The following GPR137C variants were observed in gnomAD, a reference collection of about 807,000 sequenced individuals.
GPR137C encodes G protein-coupled receptor 137C.
Under a neutral mutation model 43.4 loss-of-function variants are expected in GPR137C, and 27 were observed. The ratio of observed to expected loss-of-function variants is 0.62; its 90% confidence interval spans 0.46 to 0.86. The LOEUF (loss-of-function observed/expected upper bound fraction) is 0.86, where lower values mean the gene tolerates loss of function less well. Ranked by LOEUF, GPR137C falls within the 40% of genes least tolerant of loss-of-function variation. The pLI is 0.00. For synonymous variants in GPR137C, 285 were observed against 226.9 expected (o/e 1.26, Z -2.30); for missense variants, 522 against 534.6 (o/e 0.98, Z 0.23).
In GPR137C at chr14:52,635,163, T is replaced by C. The variant is rs1390730711; in HGVS notation, c.*48T>C. 1.4e-6 allele frequency: 2 copies of C among 1,403,742 alleles called. No individual in the cohort carries two copies. Among genetic ancestry groups the C allele is most frequent in the South Asian group, 1.5e-5 (1 of 67,428 alleles). 87.0% of individuals were successfully genotyped at this position (1,403,742 alleles called of 1,614,324 possible). ...TTGAGTTGTTTTTCATAAATGTGTA[T>C]ATTCAATGTGTTTAAATTCCATCTA... On this transcript the variant is annotated 3_prime_UTR_variant, in exon 7 of 7. Transcript: ENST00000321662.
At chr14:52,604,711 G>A (rs1342667593) in intron 3 of GPR137C, among the ~76,000 whole-genome samples, 3 of 152,192 alleles carry the variant, frequency 2.0e-5, no homozygotes, top group African/African-American at 7.2e-5. Context: ...GCCTCCCAAA[G>A]TGCCAGGATT....
intron 6 of GPR137C, among the ~76,000 whole-genome samples, 196 bp from the exon 7 acceptor site, chr14:52,634,742 C>T (rs964064942): frequency 5.3e-5 from 8 of 151,788 alleles, no homozygotes; most frequent in South Asian, 4.2e-4. Flanking sequence ...TAACATACTG[C>T]GATATAGAAT....
chr14:52,601,835 T>G (rs1215614057), intron 3 of GPR137C, among the ~76,000 whole-genome samples: 2 of 151,914 alleles, frequency 1.3e-5, no homozygotes, highest in Non-Finnish European at 2.9e-5. Flanking sequence ...TTTCTAAGTT[T>G]GGTTTTTTAC....
intron 4 of GPR137C, among the ~76,000 whole-genome samples, chr14:52,633,300 A>G (rs2039314652): frequency 6.6e-6 from 1 of 152,134 alleles, no homozygotes; most frequent in Non-Finnish European, 1.5e-5. Flanking sequence ...TCATAAACTG[A>G]TACATTGAAA....
chr14:52,558,432 C>G (rs956825748), intron 1 of GPR137C, among the ~76,000 whole-genome samples: 1 of 152,184 alleles, frequency 6.6e-6, no homozygotes, highest in Admixed American at 6.5e-5. Flanking sequence ...CATTCTTGCA[C>G]AAGTTTGAAG....
chr14:52,583,512 A>T (rs984602952), intron 1 of GPR137C, among the ~76,000 whole-genome samples: 2 of 152,114 alleles, frequency 1.3e-5, no homozygotes, highest in Non-Finnish European at 2.9e-5. Context: ...CAAGACCTGT[A>T]ATTTTATGGA....
At chr14:52,613,814 T>C (rs2039066109) in intron 3 of GPR137C, 1 of 162,800 alleles carries the variant, frequency 6.1e-6, no homozygotes, top group African/African-American at 2.4e-5. Flanking sequence ...GCAACAGACA[T>C]GGGAGTGCAG....
At chr14:52,615,743 G>T (rs2039091650) in intron 3 of GPR137C, among the ~76,000 whole-genome samples, 1 of 152,062 alleles carries the variant, frequency 6.6e-6, no homozygotes, top group Non-Finnish European at 1.5e-5. Flanking sequence ...GAGATTACTG[G>T]TTTGATTTCT....
intron 3 of GPR137C, chr14:52,611,768 A>G (rs117566866): frequency 5.2e-6 from 2 of 385,996 alleles, no homozygotes; most frequent in African/African-American, 2.2e-5. Flanking sequence ...TATCAGCTCT[A>G]TGACTTTAAC....
chr14:52,629,287 T>C (rs967243779), intron 3 of GPR137C, among the ~76,000 whole-genome samples: 1 of 152,066 alleles, frequency 6.6e-6, no homozygotes, highest in African/African-American at 2.4e-5. Flanking sequence ...CCAAAAGAGG[T>C]GAAAACATAT....
chr14:52,630,621 C>G (rs1172147631), intron 3 of GPR137C, among the ~76,000 whole-genome samples: 2 of 152,044 alleles, frequency 1.3e-5, no homozygotes, highest in African/African-American at 4.8e-5. Context: ...TATCTTTTAT[C>G]TTTTAGTTCT....
chr14:52,590,545 C>T (rs541821068), intron 1 of GPR137C, among the ~76,000 whole-genome samples: 2 of 152,288 alleles, frequency 1.3e-5, no homozygotes, highest in African/African-American at 4.8e-5. Flanking sequence ...AACTTCCAGC[C>T]CTGTAAGCTG....
At chr14:52,558,515 A>G (rs577042454) in intron 1 of GPR137C, among the ~76,000 whole-genome samples, 4 of 152,306 alleles carry the variant, frequency 2.6e-5, no homozygotes, top group Admixed American at 2.0e-4. Flanking sequence ...TTGAAAACAT[A>G]AAGTTATCCT....
chr14:52,589,162 G>A (rs1253525015), intron 1 of GPR137C, among the ~76,000 whole-genome samples: 2 of 152,150 alleles, frequency 1.3e-5, no homozygotes, highest in Admixed American at 1.3e-4. Context: ...ACTTATATGA[G>A]GTACATATAG....
chr14:52,618,436 T>C (rs1225060972), intron 3 of GPR137C, among the ~76,000 whole-genome samples: 1 of 152,164 alleles, frequency 6.6e-6, no homozygotes, highest in African/African-American at 2.4e-5. Context: ...CAAAGTTTTA[T>C]GGAGTTTAAT....
chr14:52,582,445 C>T (rs1046315911), intron 1 of GPR137C, among the ~76,000 whole-genome samples: 8 of 152,184 alleles, frequency 5.3e-5, no homozygotes, highest in Non-Finnish European at 1.0e-4. Context: ...TTGCAATACT[C>T]TCATCTTTCC....
At chr14:52,631,759 T>C (rs1226381242) in intron 3 of GPR137C, among the ~76,000 whole-genome samples, 1 of 152,172 alleles carries the variant, frequency 6.6e-6, no homozygotes, top group African/African-American at 2.4e-5. Flanking sequence ...ATTTCTATTC[T>C]AATTTTGTAT....
chr14:52,577,091 G>A (rs552429311), intron 1 of GPR137C, among the ~76,000 whole-genome samples: 2 of 142,190 alleles, frequency 1.4e-5, no homozygotes, highest in African/African-American at 5.3e-5. Context: ...GGAGGCTGAA[G>A]CAGAAGAATC....
intron 1 of GPR137C, among the ~76,000 whole-genome samples, chr14:52,580,668 A>T (rs536817047): frequency 1.8e-4 from 27 of 151,832 alleles, no homozygotes; most frequent in Non-Finnish European, 2.9e-5. Context: ...CTGGCCAATG[A>T]ATAATTTTTT....
Sources: gnomAD v4.1 joint callset for allele counts (sites outside exome capture counted in the v4.1 genomes callset) on GRCh38, gnomAD v4.1.1 for gene constraint, MANE v1.5 for transcripts, NCBI Gene and HGNC (gene_info 2026-07-23, HGNC 2026-07-21) for gene names.